The following FYB1 variants were observed in gnomAD, a reference collection of about 807,000 sequenced individuals.
FYB1 encodes the protein FYN binding protein 1, also known as FYN-binding protein 1.
A neutral mutation model predicts 94.1 loss-of-function variants in FYB1; 41 were observed. That is an observed-to-expected ratio of 0.44 (90% CI 0.34 to 0.57). FYB1 has a LOEUF of 0.57. Among genes scored for constraint, FYB1 ranks in the 20% least tolerant of loss-of-function variants. The probability of loss-of-function intolerance (pLI) is 0.02; values close to 1 mark genes in which losing one functional copy is unlikely to be tolerated. For missense variants in FYB1, 1,050 were observed against 976.8 expected (o/e 1.07, Z -1.00); for synonymous variants, 367 against 353.2 (o/e 1.04, Z -0.44).
chr5:39,241,987 C>T (rs774131873), intron 1 of FYB1, among the ~76,000 whole-genome samples: 6 of 151,936 alleles, frequency 3.9e-5, no homozygotes, highest in Non-Finnish European at 8.8e-5. Context: ...AGCCATATTC[C>T]CTCCAAATTT....
chr5:39,249,368 A>C (rs1751619626), intron 1 of FYB1, among the ~76,000 whole-genome samples: 1 of 152,208 alleles, frequency 6.6e-6, no homozygotes, highest in Admixed American at 6.5e-5. Context: ...CTGCTCTTGT[A>C]GTATGAGGGC....
At chr5:39,186,567 G>A (rs904304731) in intron 2 of FYB1, among the ~76,000 whole-genome samples, 12 of 149,226 alleles carry the variant, frequency 8.0e-5, no homozygotes, top group African/African-American at 2.7e-4. Flanking sequence ...TCAAGTTGAT[G>A]TGATAATGAA....
At chr5:39,182,325 G>GCA (rs1746333486) in intron 2 of FYB1, among the ~76,000 whole-genome samples, 1 of 104,904 alleles carries the variant, frequency 9.5e-6, no homozygotes, top group African/African-American at 3.2e-5. Context: ...GTGTGTGTGT[G>GCA]TGTGTGTGTG....
At chr5:39,230,512 A>G (rs1187349920) in intron 1 of FYB1, among the ~76,000 whole-genome samples, 2 of 152,072 alleles carry the variant, frequency 1.3e-5, no homozygotes, top group Admixed American at 1.3e-4. Flanking sequence ...AATTCATGGT[A>G]ATTTGTCACA....
At chr5:39,109,682 C>A (rs575804617) in intron 17 of FYB1, among the ~76,000 whole-genome samples, 1 of 152,130 alleles carries the variant, frequency 6.6e-6, no homozygotes, top group Admixed American at 6.6e-5. Flanking sequence ...TTCTGTAAAT[C>A]TTTGCATTGG....
At chr5:39,254,751 G>A (rs1283161568) in intron 1 of FYB1, among the ~76,000 whole-genome samples, 1 of 152,166 alleles carries the variant, frequency 6.6e-6, no homozygotes, top group Non-Finnish European at 1.5e-5. Flanking sequence ...GAAAACTAAA[G>A]GTGCTTGATG....
At position 39,124,235 on chromosome 5, in the gene FYB1, T is replaced by C; in HGVS notation, c.2071+18A>G. 1 of 1,532,908 alleles carries C rather than the reference T, an allele frequency of 6.5e-7. No individual in the cohort carries two copies. The highest frequency in any genetic ancestry group is 2.4e-5 in the East Asian group (1 of 42,506). 95.0% of individuals were successfully genotyped at this position (1,532,908 alleles called of 1,614,324 possible). On this transcript the variant is annotated intron_variant, in intron 13 of 18. Transcript: ENST00000512982. ...AGAAATGAAGATACAGAACATACAA[T>C]CAGTTTTTATTACTTACCCAATTGT...
At chr5:39,139,405 GTACTT>G (rs555601657) in intron 4 of FYB1, 153 bp from the exon 5 acceptor site, 2 of 612,360 alleles carry the variant, frequency 3.3e-6, no homozygotes, top group Non-Finnish European at 4.9e-6. Context: ...AATCAAATAC[GTACTT>G]TAGATCTTTA....
Position 39,245,602 on chromosome 5 carries a change from C to CTTTT in FYB1, c.-28+28797_-28+28800dup, listed in dbSNP as rs200601347. On this transcript the variant is annotated intron_variant, in intron 1 of 1. Coordinates refer to the FYB1 transcript ENST00000510188. ...CAAGATGAGAAGGAAGAGGAAGAGG[C>CTTTT]TTTTTTTTTTTTTGAGACGGAATGT... Among the ~76,000 whole-genome samples, 196 of 140,968 alleles carry CTTTT rather than the reference C, an allele frequency of 1.4e-3. 3 individuals are homozygous for CTTTT. Among genetic ancestry groups the CTTTT allele is most frequent in the African/African-American group, 4.6e-3 (181 of 39,542 alleles). The allele number at this position is 140,968 out of a possible 152,430, so 92.5% of individuals were successfully genotyped here.
chr5:39,240,864 T>C (rs751488162), intron 1 of FYB1, among the ~76,000 whole-genome samples: 2 of 152,162 alleles, frequency 1.3e-5, no homozygotes, highest in Admixed American at 6.6e-5. Flanking sequence ...CAAAGACACA[T>C]GCATGTGTAT....
intron 1 of FYB1, among the ~76,000 whole-genome samples, chr5:39,244,241 C>T (rs1226847006): frequency 6.6e-6 from 1 of 152,038 alleles, no homozygotes; most frequent in African/African-American, 2.4e-5. Flanking sequence ...GGAATGCTTC[C>T]AGTTTTTGCC....
At chr5:39,219,414 G>C (rs1383218598) in intron 1 of FYB1, 29 bp downstream of exon 1, 5 of 984,928 alleles carry the variant, frequency 5.1e-6, no homozygotes, top group Non-Finnish European at 4.8e-6. Flanking sequence ...ACATTTATTT[G>C]AAAGAAGAAA....
intron 1 of FYB1, among the ~76,000 whole-genome samples, chr5:39,273,307 C>A (rs1410501480): frequency 6.6e-6 from 1 of 151,972 alleles, no homozygotes; most frequent in Non-Finnish European, 1.5e-5. Context: ...AAGAAAAATT[C>A]TTCTGCCTTG....
intron 9 of FYB1, 110 bp downstream of exon 9, chr5:39,134,098 G>T: frequency 1.4e-6 from 1 of 713,778 alleles, no homozygotes; most frequent in South Asian, 3.0e-5. Context: ...ATTTAGTTTA[G>T]TGATAGAGAG....
chr5:39,119,754 G>T, intron 14 of FYB1, 120 bp from the exon 15 acceptor site: 1 of 1,201,118 alleles, frequency 8.3e-7, no homozygotes, highest in Non-Finnish European at 1.1e-6. Flanking sequence ...AATTCTTTTT[G>T]TTAGAAATCC....
chr5:39,198,049 T>C (rs931012791), intron 2 of FYB1, among the ~76,000 whole-genome samples: 1 of 152,186 alleles, frequency 6.6e-6, no homozygotes, highest in Admixed American at 6.5e-5. Context: ...TGATAAAATT[T>C]TAATGCTAAT....
At chr5:39,169,390 C>A in intron 2 of FYB1, 1 of 755,908 alleles carries the variant, frequency 1.3e-6, no homozygotes. Flanking sequence ...TGAATTTTTC[C>A]GTACATTCCT....
chr5:39,195,270 T>A (rs899801818), intron 2 of FYB1, among the ~76,000 whole-genome samples: 17 of 152,326 alleles, frequency 1.1e-4, no homozygotes, highest in African/African-American at 3.8e-4. Flanking sequence ...GAACATAGAA[T>A]CCTTTTTCCC....
chr5:39,119,288 G>A (rs1739863409), intron 15 of FYB1, among the ~76,000 whole-genome samples: 1 of 152,012 alleles, frequency 6.6e-6, no homozygotes, highest in Non-Finnish European at 1.5e-5. Flanking sequence ...GATTATCACA[G>A]TGTGAATACT....
Sources: allele counts gnomAD v4.1 joint callset (sites outside exome capture counted in the v4.1 genomes callset), GRCh38; gene constraint gnomAD v4.1.1; transcripts MANE v1.5; gene names NCBI Gene and HGNC (gene_info 2026-07-23, HGNC 2026-07-21).